Variants in F13A1 observed in about 807,000 individuals in gnomAD.
F13A1 encodes the protein coagulation factor XIII A chain.
F13A1 carries 47 observed loss-of-function variants against 80.1 expected under a neutral mutation model. The observed-to-expected ratio is 0.59, with a 90% confidence interval of 0.46 to 0.75. The LOEUF (loss-of-function observed/expected upper bound fraction) is 0.75. Ranked by LOEUF, F13A1 falls within the 30% of genes least tolerant of loss-of-function variation. The probability of loss-of-function intolerance (pLI) is 0.00; values close to 1 mark genes in which losing one functional copy is unlikely to be tolerated. For synonymous variants in F13A1, 349 were observed against 344.9 expected (o/e 1.01, Z -0.13); for missense variants, 817 against 930.4 (o/e 0.88, Z 1.59).
chr6:6,290,865 G>T (rs1758214623), intron 3 of F13A1, among the ~76,000 whole-genome samples: 1 of 152,206 alleles, frequency 6.6e-6, no homozygotes, highest in African/African-American at 2.4e-5. Context: ...GCACAAAATA[G>T]TTGAAAGAGT....
intron 3 of F13A1, among the ~76,000 whole-genome samples, chr6:6,293,364 C>G (rs750097345): frequency 1.2e-4 from 18 of 152,044 alleles, no homozygotes; most frequent in Non-Finnish European, 2.4e-4. Context: ...CTTTCACAGT[C>G]TCAGCCACAG....
intron 3 of F13A1, among the ~76,000 whole-genome samples, chr6:6,286,340 C>T (rs954958255): frequency 2.6e-5 from 4 of 152,130 alleles, no homozygotes; most frequent in African/African-American, 7.2e-5. Flanking sequence ...AAGCTGAGAT[C>T]GCGCCACTTC....
chr6:6,260,661 C>A (rs1480868781), intron 4 of F13A1, among the ~76,000 whole-genome samples: 1 of 152,146 alleles, frequency 6.6e-6, no homozygotes, highest in Non-Finnish European at 1.5e-5. Context: ...GCCGGGAAAC[C>A]ACACAATAAG....
In F13A1 at chr6:6,241,478, T is replaced by A. The variant is rs144806367; in HGVS notation, c.798+6834A>T. Among the ~76,000 whole-genome samples the A allele has an allele frequency of 1.6e-3, 243 of 152,312 alleles. 1 individual carries two copies. Among genetic ancestry groups the A allele is most frequent in the African/African-American group, 5.5e-3 (230 of 41,568 alleles). On this transcript the variant is annotated intron_variant, in intron 6 of 14. Transcript: ENST00000264870. ...GACACAAGAATGGGGTAACAAGGTA[T>A]TATTACATAATCATGATTTGTTTTG...
At chr6:6,167,336 T>C in intron 13 of F13A1, 122 bp downstream of exon 13, 1 of 873,690 alleles carries the variant, frequency 1.1e-6, no homozygotes, top group Non-Finnish European at 1.7e-6. Context: ...TTTTTTTTTT[T>C]TTTTTTTTTT....
intron 8 of F13A1, among the ~76,000 whole-genome samples, chr6:6,211,976 T>C (rs906507985): frequency 2.6e-5 from 4 of 152,194 alleles, no homozygotes; most frequent in African/African-American, 9.7e-5. Context: ...CTGACGGGCT[T>C]AAAAAACGGC....
chr6:6,295,455 C>T (rs1297319375), intron 3 of F13A1, among the ~76,000 whole-genome samples: 24 of 145,938 alleles, frequency 1.6e-4, no homozygotes, highest in African/African-American at 3.8e-4. Context: ...TGTGAGATGG[C>T]ATCTCATTGT....
In F13A1 at chr6:6,165,416, G is replaced by A. The variant is rs566439993; in HGVS notation, c.1908+2042C>T. Among the ~76,000 whole-genome samples, 10 of 152,230 alleles carry A rather than the reference G, an allele frequency of 6.6e-5. No homozygotes were observed. In the East Asian group the frequency reaches 9.7e-4, roughly 15 times the overall value. On this transcript the variant is annotated intron_variant, in intron 13 of 14. Transcript: ENST00000264870. ...AGTTATCAGTTTCCTTCATACATCC[G>A]GTTTATTATCAGTGGTGCAATTAAA...
At chr6:6,249,392 C>T (rs190895832) in intron 5 of F13A1, among the ~76,000 whole-genome samples, 2 of 152,314 alleles carry the variant, frequency 1.3e-5, no homozygotes. Flanking sequence ...GCTGTGTTTG[C>T]TGGGCAGGAT....
At chr6:6,197,169 G>C in intron 9 of F13A1, 54 bp downstream of exon 9, 3 of 1,561,026 alleles carry the variant, frequency 1.9e-6, no homozygotes, top group Non-Finnish European at 2.6e-6. Context: ...AAGCATAAAA[G>C]CAAAACAAAG....
intron 10 of F13A1, among the ~76,000 whole-genome samples, chr6:6,184,088 G>A (rs1761036048): frequency 6.6e-6 from 1 of 152,184 alleles, no homozygotes; most frequent in African/African-American, 2.4e-5. Flanking sequence ...CTACTAAGGG[G>A]GAGATAGCCA....
chr6:6,280,977 TGG>T (rs1758052112), intron 3 of F13A1, among the ~76,000 whole-genome samples: 1 of 152,090 alleles, frequency 6.6e-6, no homozygotes, highest in Non-Finnish European at 1.5e-5. Context: ...GTTTGCGGAG[TGG>T]CTGGAGAATC....
chr6:6,158,843 ACT>A (rs1760522922), intron 13 of F13A1, among the ~76,000 whole-genome samples: 1 of 152,014 alleles, frequency 6.6e-6, no homozygotes, highest in African/African-American at 2.4e-5. Flanking sequence ...GTAGCCAGTC[ACT>A]GTCATGTACT....
intron 6 of F13A1, among the ~76,000 whole-genome samples, chr6:6,247,001 A>G (rs1757562582): frequency 6.6e-6 from 1 of 152,250 alleles, no homozygotes; most frequent in Non-Finnish European, 1.5e-5. Flanking sequence ...ATAAACGGTC[A>G]TGACACTTTG....
In F13A1 at chr6:6,304,672, G is replaced by T. The variant is rs148281883; in HGVS notation, c.319+679C>A. Reference sequence around the variant, plus strand: ...AGGTTAGGAGTGCGAAACCAGCCTGGACAACATGGTGAAACTCTGCCTCTA... The same window carrying T: ...AGGTTAGGAGTGCGAAACCAGCCTGTACAACATGGTGAAACTCTGCCTCTA... On this transcript the variant is annotated intron_variant, in intron 3 of 14. Coordinates refer to ENST00000264870, the MANE Select transcript of F13A1 (RefSeq NM_000129.4). Among the ~76,000 whole-genome samples, 481 of 152,118 alleles carry T rather than the reference G, an allele frequency of 3.2e-3. 3 individuals carry two copies. The highest frequency in any genetic ancestry group is 0.011 in the African/African-American group (444 of 41,492).
intron 8 of F13A1, among the ~76,000 whole-genome samples, chr6:6,217,748 A>G (rs920306497): frequency 1.3e-5 from 2 of 152,218 alleles, no homozygotes; most frequent in East Asian, 3.8e-4. Flanking sequence ...AAATGCACCT[A>G]CAATGTGTGA....
intron 2 of F13A1, among the ~76,000 whole-genome samples, chr6:6,315,150 G>A (rs1758660651): frequency 6.6e-6 from 1 of 152,184 alleles, no homozygotes; most frequent in African/African-American, 2.4e-5. Flanking sequence ...AGCCAAAGCA[G>A]ACCAACAACA....
intron 4 of F13A1, among the ~76,000 whole-genome samples, chr6:6,260,125 G>A (rs925120560): frequency 5.9e-5 from 9 of 152,130 alleles, no homozygotes; most frequent in Non-Finnish European, 1.2e-4. Context: ...GAATGGACCC[G>A]AAGCCCGGTT....
At chr6:6,184,974 A>T (rs1329428713) in intron 10 of F13A1, among the ~76,000 whole-genome samples, 2 of 152,146 alleles carry the variant, frequency 1.3e-5, no homozygotes, top group African/African-American at 4.8e-5. Context: ...TGGTTGTACT[A>T]GGGAATCATC....
Sources: allele counts gnomAD v4.1 joint callset (sites outside exome capture counted in the v4.1 genomes callset), GRCh38; gene constraint gnomAD v4.1.1; transcripts MANE v1.5; gene names NCBI Gene and HGNC (gene_info 2026-07-23, HGNC 2026-07-21).